TNNT2: variants seen among roughly 807,000 people sequenced by gnomAD.
TNNT2 encodes the protein troponin T, cardiac muscle.
In TNNT2, 34 loss-of-function variants were observed where a neutral mutation model predicts 62.4. That is an observed-to-expected ratio of 0.54 (90% CI 0.41 to 0.72). The LOEUF is 0.72. TNNT2 is among the 30% of genes least tolerant of loss of function. TNNT2 has a pLI of 0.00. For missense variants in TNNT2, 275 were observed against 381.9 expected (o/e 0.72, Z 2.33); for synonymous variants, 123 against 127.2 (o/e 0.97, Z 0.22).
chr1:201,366,347 TG>T, intron 8 of TNNT2: 1 of 951,480 alleles, frequency 1.1e-6, no homozygotes. Flanking sequence ...AAAAGGGAAA[TG>T]CTCCCTATCC....
At chr1:201,368,372 G>A (rs907225035) in intron 5 of TNNT2, 145 bp from the exon 6 acceptor site, 20 of 806,980 alleles carry the variant, frequency 2.5e-5, no homozygotes, top group Non-Finnish European at 3.9e-5. Flanking sequence ...CCAACGTGCT[G>A]GGGGGCTGCC....
rs758614133 is a variant in TNNT2, at chr1:201,363,123, G to A, written c.600+173C>T. ...GCAAGCCCCTCCTAGTGCAAGCCGC[G>A]GTCAGGCTGAAAACCAGCTCAGGGC... On this transcript the variant is annotated intron_variant, in intron 12 of 16. Transcript: ENST00000656932. The A allele has an allele frequency of 1.8e-5, 18 of 985,250 alleles. No individual in the cohort carries two copies. In the East Asian group the frequency reaches 5.7e-4, roughly 31 times the overall value. 61.0% of individuals were successfully genotyped at this position (985,250 alleles called of 1,614,324 possible).
chr1:201,363,128 G>A lies in TNNT2; in HGVS notation c.600+168C>T, dbSNP rs559906497. The A allele has an allele frequency of 1.7e-3, 1,679 of 985,402 alleles. 2 individuals are homozygous for A. Among genetic ancestry groups the A allele is most frequent in the Admixed American group, 3.4e-3 (55 of 16,284 alleles). 61.0% of individuals were successfully genotyped at this position (985,402 alleles called of 1,614,324 possible). A position where few individuals can be genotyped will look rare whatever the true frequency, so the allele number is the denominator to read the frequency against. On this transcript the variant is annotated intron_variant, in intron 12 of 16. Coordinates refer to ENST00000656932, the MANE Select transcript of TNNT2 (RefSeq NM_001276345.2). Reference sequence around the variant, plus strand: ...CCCCTCCTAGTGCAAGCCGCGGTCAGGCTGAAAACCAGCTCAGGGCTGGGC... The same window carrying A: ...CCCCTCCTAGTGCAAGCCGCGGTCAAGCTGAAAACCAGCTCAGGGCTGGGC...
chr1:201,362,152 C>T, intron 13 of TNNT2, 130 bp from the exon 14 acceptor site: 2 of 1,185,498 alleles, frequency 1.7e-6, no homozygotes, highest in South Asian at 1.3e-5. Flanking sequence ...CTTCCTGCCA[C>T]ACCCCCCAAC....
chr1:201,362,302 T>A (rs991651542), intron 13 of TNNT2, 84 bp downstream of exon 13: 3 of 1,577,980 alleles, frequency 1.9e-6, no homozygotes. Flanking sequence ...TCTTCACTCC[T>A]CCCCTCCAGC....
intron 2 of TNNT2, among the ~76,000 whole-genome samples, chr1:201,372,372 G>A (rs766882895): frequency 2.4e-4 from 37 of 152,024 alleles, no homozygotes; most frequent in Non-Finnish European, 3.2e-4. Flanking sequence ...ACCATCCTCC[G>A]CAAGCCTCCG....
At chr1:201,363,982 G>A in intron 11 of TNNT2, 1 of 399,906 alleles carries the variant, frequency 2.5e-6, no homozygotes, top group Non-Finnish European at 4.7e-6. Flanking sequence ...TGCCTCCTGG[G>A]TTCAAGCGAT....
At chr1:201,367,946 T>TCA in intron 6 of TNNT2, 140 bp from the exon 7 acceptor site, 1 of 1,103,966 alleles carries the variant, frequency 9.1e-7, no homozygotes, top group Non-Finnish European at 1.4e-6. Context: ...GAGCTGTCTC[T>TCA]CACACACACA....
chr1:201,360,964 G>A (rs1164852090), intron 15 of TNNT2: 8 of 425,044 alleles, frequency 1.9e-5, no homozygotes, highest in South Asian at 1.3e-4. Flanking sequence ...CTGGCTTGGT[G>A]CATCCTGGTC....
chr1:201,372,037 T>C lies in TNNT2; in HGVS notation c.57A>G (p.Ala19=). 1.3e-6 allele frequency: 2 copies of C among 1,571,180 alleles called. No individual in the cohort carries two copies. The highest frequency in any genetic ancestry group is 1.7e-6 in the Non-Finnish European group (2 of 1,157,180). ...EEYEEEEQEE[A]AVEEEEDWRE... is the part of the protein sequence containing the mutation. ...GCCTGAGGCACATACCTTCAACAGC[T>C]GCTTCTGCTCAGAAGAGAAGTCCAG... The change falls in exon 4 of 17, where the codon GCA becomes GCG. Residue 19 remains alanine (A), a synonymous_variant. Coordinates refer to ENST00000656932, the MANE Select transcript of TNNT2 (RefSeq NM_001276345.2).
chr1:201,359,577 G>A (rs45576635), intron 16 of TNNT2, 46 bp downstream of exon 16: 42,566 of 1,562,712 alleles, frequency 0.027, 708 homozygotes, highest in Middle Eastern at 0.036. Flanking sequence ...GGTAGGGAAG[G>A]AGGGGGCAGG....
chr1:201,369,462 CTG>C (rs1660247860), intron 5 of TNNT2: 1 of 489,282 alleles, frequency 2.0e-6, no homozygotes, highest in Non-Finnish European at 4.2e-6. Context: ...GCATGGAACA[CTG>C]GGGTGTGCGC....
At position 201,373,199 on chromosome 1, in the gene TNNT2, G is replaced by A; in HGVS notation, c.41+15C>T. 1 of 1,613,930 alleles carries A rather than the reference G, an allele frequency of 6.2e-7. No individual in the cohort carries two copies. Among genetic ancestry groups the A allele is most frequent in the Non-Finnish European group, 8.5e-7 (1 of 1,179,836 alleles). On this transcript the variant is annotated intron_variant, in intron 2 of 16. Transcript: ENST00000656932. ...GGAGAGGACCCCACTCAGGCAAGATGCTCCAGATACTCACTCCTCCTCGTA... is the reference window on the plus strand; with the variant it reads ...GGAGAGGACCCCACTCAGGCAAGATACTCCAGATACTCACTCCTCCTCGTA...
chr1:201,367,684 C>A, intron 7 of TNNT2, 87 bp downstream of exon 7: 1 of 1,453,548 alleles, frequency 6.9e-7, no homozygotes, highest in Non-Finnish European at 9.7e-7. Context: ...ATCCACTTCC[C>A]TGGAAAGAGC....
At chr1:201,360,827 T>C in intron 15 of TNNT2, 1 of 273,636 alleles carries the variant, frequency 3.7e-6, no homozygotes, top group South Asian at 4.2e-5. Flanking sequence ...AGACCCTCAT[T>C]AGTGCACATA....
At chr1:201,366,366 C>G in intron 8 of TNNT2, 1 of 1,030,626 alleles carries the variant, frequency 9.7e-7, no homozygotes, top group Non-Finnish European at 1.2e-6. Context: ...TCCCCCAGCC[C>G]CCCCCAGCAC....
chr1:201,367,919 T>C (rs1659944776), intron 6 of TNNT2, 113 bp from the exon 7 acceptor site: 2 of 1,348,318 alleles, frequency 1.5e-6, no homozygotes, highest in East Asian at 2.3e-5. Context: ...TGCACTCTGT[T>C]GGTTTTTGGG....
At chr1:201,367,520 C>A (rs1243539830) in intron 7 of TNNT2, 1 of 611,324 alleles carries the variant, frequency 1.6e-6, no homozygotes, top group African/African-American at 1.8e-5. Context: ...ATTGCTCTGT[C>A]CAGACCAGGG....
intron 1 of TNNT2, chr1:201,373,470 C>T (rs1448583579): frequency 3.2e-6 from 2 of 621,704 alleles, no homozygotes; most frequent in African/African-American, 3.6e-5. Context: ...GCAAGGCCAC[C>T]TGCTGATGTC....
Sources: gnomAD v4.1 joint callset for allele counts (sites outside exome capture counted in the v4.1 genomes callset) on GRCh38, gnomAD v4.1.1 for gene constraint, MANE v1.5 for transcripts, NCBI Gene and HGNC (gene_info 2026-07-23, HGNC 2026-07-21) for gene names.